PTK2B: variants seen among roughly 807,000 people sequenced by gnomAD.
PTK2B encodes the protein protein-tyrosine kinase 2-beta.
In PTK2B, 71 loss-of-function variants were observed where a neutral mutation model predicts 142.9. The observed-to-expected ratio is 0.50, with a 90% confidence interval of 0.41 to 0.61. The LOEUF is 0.61. Ranked by LOEUF, PTK2B falls within the 20% of genes least tolerant of loss-of-function variation. PTK2B has a pLI of 0.00. For synonymous variants in PTK2B, 519 were observed against 503.4 expected (o/e 1.03, Z -0.42); for missense variants, 1,105 against 1,320.4 (o/e 0.84, Z 2.53).
At chr8:27,407,718 C>G (rs1271378983) in intron 2 of PTK2B, among the ~76,000 whole-genome samples, 3 of 152,192 alleles carry the variant, frequency 2.0e-5, no homozygotes, top group Non-Finnish European at 4.4e-5. Flanking sequence ...ACTCCATTTC[C>G]AGCTCACATC....
intron 1 of PTK2B, among the ~76,000 whole-genome samples, chr8:27,360,177 C>T (rs771190103): frequency 2.0e-5 from 3 of 152,192 alleles, no homozygotes; most frequent in Non-Finnish European, 4.4e-5. Flanking sequence ...CTCACATTGG[C>T]AAAAGCTCAC....
In PTK2B at chr8:27,432,375, G is replaced by T. The variant is rs1810490309; in HGVS notation, c.987+14G>T. Reference sequence around the variant, plus strand: ...GGTGCCCCCCAGGTGAGTGTCTCTGGGCACTGGGCACCTGGCAGCTCTGCA... The same window carrying T: ...GGTGCCCCCCAGGTGAGTGTCTCTGTGCACTGGGCACCTGGCAGCTCTGCA... On this transcript the variant is annotated intron_variant, in intron 10 of 30. Coordinates refer to ENST00000346049, the MANE Select transcript of PTK2B (RefSeq NM_173176.3). 1.9e-6 allele frequency: 3 copies of T among 1,611,098 alleles called. No homozygotes were observed. Among genetic ancestry groups the T allele is most frequent in the Admixed American group, 3.3e-5 (2 of 59,970 alleles).
At chr8:27,353,900 C>G (rs550668383) in intron 1 of PTK2B, among the ~76,000 whole-genome samples, 16 of 152,176 alleles carry the variant, frequency 1.1e-4, no homozygotes, top group Non-Finnish European at 1.9e-4. Flanking sequence ...TGTCCCAGCA[C>G]TCTTTTAGTT....
At chr8:27,406,893 T>A (rs1047810655) in intron 2 of PTK2B, among the ~76,000 whole-genome samples, 1 of 152,184 alleles carries the variant, frequency 6.6e-6, no homozygotes, top group Non-Finnish European at 1.5e-5. Flanking sequence ...GCACTGCATG[T>A]CACCGGAAAG....
rs1368173533 is a variant in PTK2B, at chr8:27,419,939, C to T, written c.249C>T (p.Asn83=). The T allele has an allele frequency of 6.2e-7, 1 of 1,614,222 alleles. No individual in the cohort carries two copies. Among genetic ancestry groups the T allele is most frequent in the East Asian group, 2.2e-5 (1 of 44,880 alleles). The part of the protein sequence containing the change: ...SILLSGRIGP[N]IRLAECYGLR... ...TGCTGAGCGGGCGGATCGGGCCCAA[C>T]ATCCGGTTGGCTGAGTGCTATGGGC... Residue 83 remains asparagine, a synonymous_variant, in exon 3 of 31, where the codon AAC becomes AAT. Coordinates refer to ENST00000346049, the MANE Select transcript of PTK2B (RefSeq NM_173176.3).
intron 30 of PTK2B, 108 bp from the exon 31 acceptor site, chr8:27,458,186 A>G: frequency 9.1e-7 from 1 of 1,102,388 alleles, no homozygotes. Flanking sequence ...CTTCCAGGGA[A>G]CTTCTGATTG....
intron 1 of PTK2B, chr8:27,311,785 T>C (rs1024304906): frequency 6.5e-6 from 1 of 152,736 alleles, no homozygotes; most frequent in African/African-American, 2.4e-5. Flanking sequence ...CGTTTACTTA[T>C]TTTGGCCAGT....
chr8:27,417,149 G>A (rs1031217899), intron 2 of PTK2B, among the ~76,000 whole-genome samples: 1 of 152,186 alleles, frequency 6.6e-6, no homozygotes, highest in African/African-American at 2.4e-5. Flanking sequence ...GTTCATAGTA[G>A]TTCAATTCAC....
chr8:27,315,458 C>T (rs746738209), intron 3 of PTK2B, among the ~76,000 whole-genome samples: 1 of 152,148 alleles, frequency 6.6e-6, no homozygotes, highest in Non-Finnish European at 1.5e-5. Flanking sequence ...GGGCTAACAA[C>T]GCTACACTCC....
chr8:27,400,171 A>T (rs1808287204), intron 2 of PTK2B, among the ~76,000 whole-genome samples: 1 of 152,216 alleles, frequency 6.6e-6, no homozygotes, highest in Non-Finnish European at 1.5e-5. Flanking sequence ...GATGTTAAGA[A>T]GTGTGCCCTC....
intron 13 of PTK2B, 54 bp from the exon 14 acceptor site, chr8:27,435,689 C>T (rs1011355401): frequency 3.1e-5 from 49 of 1,591,070 alleles, no homozygotes; most frequent in Middle Eastern, 1.7e-4. Flanking sequence ...TGATTCCTGG[C>T]GGTGCCCACC....
In PTK2B at chr8:27,458,352, G is replaced by A. The variant is rs1307626029; in HGVS notation, c.2873G>A (p.Arg958Gln). The A allele has an allele frequency of 8.7e-6, 14 of 1,613,922 alleles. No individual in the cohort carries two copies. The highest frequency in any genetic ancestry group is 4.5e-5 in the East Asian group (2 of 44,892). The change falls in exon 31 of 31, where the codon CGG becomes CAG. Residue 958 changes from arginine to glutamine, a missense_variant. Coordinates refer to ENST00000346049, the MANE Select transcript of PTK2B (RefSeq NM_173176.3). Reference sequence around the variant, plus strand: ...CTGGCAGAGCTCATCAACAAGATGCGGCTGGCACAGCAGAACGCCGTGACC... The same window carrying A: ...CTGGCAGAGCTCATCAACAAGATGCAGCTGGCACAGCAGAACGCCGTGACC... ...KDLAELINKM[R>Q]LAQQNAVTSL...
chr8:27,413,039 G>GAAA lies in PTK2B; in HGVS notation c.205-6846_205-6844dup, dbSNP rs57661178. On this transcript the variant is annotated intron_variant, in intron 2 of 30. Coordinates refer to ENST00000346049, the MANE Select transcript of PTK2B (RefSeq NM_173176.3). The stretch of plus-strand genomic sequence containing the variant: ...TTATTTCATACTTTTTAAAAAGTTG[G>GAAA]AAAAAAAAAAAACAAGGCTAAGGAC... Among the ~76,000 whole-genome samples, 1,208 of 145,342 alleles carry GAAA rather than the reference G, an allele frequency of 8.3e-3. 13 individuals carry two copies. Among genetic ancestry groups the GAAA allele is most frequent in the African/African-American group, 0.03 (1,174 of 39,144 alleles).
chr8:27,387,475 G>A (rs995701188), intron 1 of PTK2B, among the ~76,000 whole-genome samples: 4 of 152,306 alleles, frequency 2.6e-5, no homozygotes, highest in Admixed American at 1.3e-4. Context: ...TCCTACAACC[G>A]TTCAAAACCA....
At chr8:27,420,587 T>C (rs2131833089) in intron 3 of PTK2B, 70 bp from the exon 4 acceptor site, 4 of 1,458,204 alleles carry the variant, frequency 2.7e-6, no homozygotes, top group East Asian at 2.3e-5. Flanking sequence ...GCTTCTGCCC[T>C]TGGGGTCCTA....
chr8:27,451,864 T>G, intron 27 of PTK2B: 1 of 739,296 alleles, frequency 1.4e-6, no homozygotes, highest in Non-Finnish European at 1.8e-6. Context: ...CACCTGCCTG[T>G]CCCAGTTCAG....
intron 1 of PTK2B, among the ~76,000 whole-genome samples, chr8:27,351,890 T>G (rs527752310): frequency 5.3e-4 from 81 of 152,324 alleles, no homozygotes; most frequent in African/African-American, 1.9e-3. Context: ...GCCCATCCAC[T>G]GGAGGGAAAG....
Position 27,405,035 on chromosome 8 carries a change from C to CCTCTCT in PTK2B, c.204+7276_204+7281dup, listed in dbSNP as rs3076734. ...CTCCCTCCCTTCCTCTCTTTCTCTT[C>CCTCTCT]CTCTCTCTCTCTCTCTCTCTCTCTC... On this transcript the variant is annotated intron_variant, in intron 2 of 30. Coordinates refer to ENST00000346049, the MANE Select transcript of PTK2B (RefSeq NM_173176.3). 7.4e-3 allele frequency among the ~76,000 whole-genome samples: 886 copies of CCTCTCT among 119,560 alleles called. 31 individuals carry two copies. Among genetic ancestry groups the CCTCTCT allele is most frequent in the African/African-American group, 0.024 (690 of 28,900 alleles). 78.4% of individuals were successfully genotyped at this position (119,560 alleles called of 152,430 possible). A position where few individuals can be genotyped will look rare whatever the true frequency, so the allele number is the denominator to read the frequency against.
intron 1 of PTK2B, among the ~76,000 whole-genome samples, chr8:27,360,222 A>C (rs966048112): frequency 9.2e-5 from 14 of 152,240 alleles, no homozygotes; most frequent in African/African-American, 3.4e-4. Flanking sequence ...TCACTGAGTC[A>C]ACTAGAATCT....
Sources: gnomAD v4.1 joint callset for allele counts (sites outside exome capture counted in the v4.1 genomes callset) on GRCh38, gnomAD v4.1.1 for gene constraint, MANE v1.5 for transcripts, NCBI Gene and HGNC (gene_info 2026-07-23, HGNC 2026-07-21) for gene names.